Variants in CPQ observed in about 807,000 individuals in gnomAD.
CPQ encodes Ser-Met dipeptidase.
In CPQ, 37 loss-of-function variants were observed where a neutral mutation model predicts 45.7. That is an observed-to-expected ratio of 0.81 (90% CI 0.62 to 1.07). The LOEUF is 1.07. Among genes scored for constraint, CPQ ranks in the 50% least tolerant of loss-of-function variants. The pLI, the probability that CPQ is intolerant of heterozygous loss-of-function variation, is 0.00. For missense variants in CPQ, 537 were observed against 572.9 expected (o/e 0.94, Z 0.64); for synonymous variants, 186 against 205.8 (o/e 0.90, Z 0.82).
chr8:97,039,449 CA>C (rs1222619272), intron 6 of CPQ, among the ~76,000 whole-genome samples: 2 of 150,808 alleles, frequency 1.3e-5, no homozygotes, highest in African/African-American at 4.9e-5. Context: ...TAATATTAAA[CA>C]ATTGTGATTC....
At chr8:97,059,847 A>G (rs1345217052) in intron 6 of CPQ, among the ~76,000 whole-genome samples, 1 of 152,154 alleles carries the variant, frequency 6.6e-6, no homozygotes, top group Non-Finnish European at 1.5e-5. Context: ...GGCAAGAAAG[A>G]GTTACTAAAA....
intron 1 of CPQ, among the ~76,000 whole-genome samples, chr8:96,774,033 G>A (rs1810577325): frequency 6.6e-6 from 1 of 152,158 alleles, no homozygotes; most frequent in Non-Finnish European, 1.5e-5. Flanking sequence ...CACTTTGGGA[G>A]GCCGAGGTGG....
At chr8:96,960,112 A>G (rs1813431881) in intron 4 of CPQ, among the ~76,000 whole-genome samples, 1 of 152,198 alleles carries the variant, frequency 6.6e-6, no homozygotes, top group Non-Finnish European at 1.5e-5. Flanking sequence ...GAAAATAAGT[A>G]TGACTCAAAA....
At chr8:97,119,308 G>A (rs564602083) in intron 7 of CPQ, among the ~76,000 whole-genome samples, 5 of 125,064 alleles carry the variant, frequency 4.0e-5, no homozygotes, top group South Asian at 2.7e-4. Context: ...CAGCCTGGAC[G>A]ACAGAGTGAG....
chr8:96,860,521 T>C (rs919205098), intron 3 of CPQ, among the ~76,000 whole-genome samples: 1 of 152,162 alleles, frequency 6.6e-6, no homozygotes, highest in Admixed American at 6.5e-5. Context: ...ACAGTTTCTT[T>C]CCTTGGCAGA....
intron 6 of CPQ, among the ~76,000 whole-genome samples, chr8:97,061,610 G>A (rs1363406633): frequency 6.6e-6 from 1 of 152,084 alleles, no homozygotes; most frequent in Non-Finnish European, 1.5e-5. Context: ...AAATATAAGA[G>A]CACTTAAAGA....
In CPQ at chr8:96,932,639, C is replaced by T. The variant is rs143505410; in HGVS notation, c.850-33296C>T. Among the ~76,000 whole-genome samples, 4 of 152,294 alleles carry T rather than the reference C, an allele frequency of 2.6e-5. No homozygotes were observed. In the East Asian group the frequency reaches 5.8e-4, roughly 22 times the overall value. ...ATCGTGAATTACATGTTCTTGGACCCTTTCCCCTTGGTCCTCCTGTCTTTC... is the reference window on the plus strand; with the variant it reads ...ATCGTGAATTACATGTTCTTGGACCTTTTCCCCTTGGTCCTCCTGTCTTTC... On this transcript the variant is annotated intron_variant, in intron 4 of 7. Transcript: ENST00000220763.
At chr8:96,744,809 A>C (rs1810153256) in intron 1 of CPQ, among the ~76,000 whole-genome samples, 1 of 152,186 alleles carries the variant, frequency 6.6e-6, no homozygotes, top group Non-Finnish European at 1.5e-5. Flanking sequence ...GGCAGTTTAC[A>C]TTGATCATGA....
Position 96,741,906 on chromosome 8 carries a change from A to G in CPQ, c.-34-42958A>G, listed in dbSNP as rs1215663778. Among the ~76,000 whole-genome samples the G allele has an allele frequency of 9.0e-5, 13 of 144,574 alleles. No individual in the cohort carries two copies. In the East Asian group the frequency reaches 1.2e-3, roughly 13 times the overall value. 94.8% of individuals were successfully genotyped at this position (144,574 alleles called of 152,430 possible). ...AGCTTTACTTCCAACTATGTGGTCA[A>G]TTTTGGAATAGGTGTGGTGTGGTGC... is the stretch of plus-strand genomic sequence containing the variant. On this transcript the variant is annotated intron_variant, in intron 1 of 7. Transcript: ENST00000220763.
intron 1 of CPQ, among the ~76,000 whole-genome samples, chr8:96,706,118 G>A (rs867481908): frequency 2.0e-5 from 3 of 152,122 alleles, no homozygotes; most frequent in Non-Finnish European, 2.9e-5. Context: ...CTGACAGCCT[G>A]TCTTTGTTGC....
intron 1 of CPQ, among the ~76,000 whole-genome samples, chr8:96,779,571 G>A (rs1030763260): frequency 6.6e-6 from 1 of 152,120 alleles, no homozygotes; most frequent in Non-Finnish European, 1.5e-5. Flanking sequence ...ATAAAGCAAG[G>A]ATATGGACTA....
intron 3 of CPQ, among the ~76,000 whole-genome samples, chr8:96,861,341 A>G (rs1296376370): frequency 6.6e-6 from 1 of 152,194 alleles, no homozygotes; most frequent in East Asian, 1.9e-4. Context: ...AATTGGGAAG[A>G]ACAGTGAAAA....
chr8:96,882,225 C>T (rs1037458647), intron 4 of CPQ, among the ~76,000 whole-genome samples: 4 of 152,164 alleles, frequency 2.6e-5, no homozygotes, highest in Non-Finnish European at 4.4e-5. Context: ...TGGCTTTTGC[C>T]ACAGGGATGA....
intron 1 of CPQ, among the ~76,000 whole-genome samples, chr8:96,697,465 C>A (rs1484552314): frequency 2.0e-5 from 3 of 152,070 alleles, no homozygotes; most frequent in African/African-American, 7.2e-5. Flanking sequence ...TAGAACATGA[C>A]AAGGATGCCC....
chr8:96,721,606 C>A (rs1809764391), intron 1 of CPQ, among the ~76,000 whole-genome samples: 1 of 152,080 alleles, frequency 6.6e-6, no homozygotes, highest in Non-Finnish European at 1.5e-5. Context: ...TACTTTCAGC[C>A]TCCATACTAC....
intron 6 of CPQ, among the ~76,000 whole-genome samples, chr8:97,045,491 C>G (rs1275043730): frequency 4.6e-5 from 7 of 152,174 alleles, no homozygotes. Context: ...CGCACTGCAC[C>G]CACTGTCCTG....
intron 2 of CPQ, among the ~76,000 whole-genome samples, chr8:96,824,964 A>G (rs1811358258): frequency 6.6e-6 from 1 of 152,032 alleles, no homozygotes; most frequent in African/African-American, 2.4e-5. Context: ...AATTGTGACA[A>G]TATCAAGGGA....
chr8:96,897,291 A>G (rs1246458714), intron 4 of CPQ, among the ~76,000 whole-genome samples: 1 of 152,212 alleles, frequency 6.6e-6, no homozygotes, highest in Non-Finnish European at 1.5e-5. Context: ...GTTCCTAAGA[A>G]AAGTAGACCA....
chr8:96,976,299 G>A (rs913913357), intron 5 of CPQ, among the ~76,000 whole-genome samples: 10 of 142,666 alleles, frequency 7.0e-5, no homozygotes, highest in African/African-American at 2.1e-4. Context: ...AACCAAGGAC[G>A]TGAAAGACCT....
Sources: allele counts gnomAD v4.1 joint callset (sites outside exome capture counted in the v4.1 genomes callset), GRCh38; gene constraint gnomAD v4.1.1; transcripts MANE v1.5; gene names NCBI Gene and HGNC (gene_info 2026-07-23, HGNC 2026-07-21).